The following USP22 variants were observed in gnomAD, a reference collection of about 807,000 sequenced individuals.
The protein encoded by USP22 is ubiquitin carboxyl-terminal hydrolase 22.
Under a neutral mutation model 68.1 loss-of-function variants are expected in USP22, and 22 were observed. That is an observed-to-expected ratio of 0.32 (90% CI 0.23 to 0.46). The LOEUF is 0.46. Ranked by LOEUF, USP22 falls within the 20% of genes least tolerant of loss-of-function variation. The pLI, the probability that USP22 is intolerant of heterozygous loss-of-function variation, is 1.00. For missense variants in USP22, 433 were observed against 695.8 expected, an observed-to-expected ratio of 0.62 and a Z score of 4.25; for synonymous variants, 279 against 274.2, an observed-to-expected ratio of 1.02 and a Z score of -0.17.
At chr17:21,043,387 C>T (rs1053010403), upstream of USP22, 4 of 330,774 alleles carry the variant, frequency 1.2e-5, no homozygotes, top group African/African-American at 2.3e-5. Context: ...GGGACCCTGG[C>T]GGCTAGACGT....
intron 5 of USP22, 32 bp from the exon 6 acceptor site, chr17:21,015,931 G>A (rs777384325): frequency 4.3e-6 from 7 of 1,610,166 alleles, no homozygotes; most frequent in East Asian, 4.5e-5. Context: ...AACCTTGTCA[G>A]GAATAAATGT....
At chr17:21,015,603 GA>G (rs1415316427) in intron 6 of USP22, 148 bp downstream of exon 6, 1 of 1,190,774 alleles carries the variant, frequency 8.4e-7, no homozygotes, top group Non-Finnish European at 1.1e-6. Flanking sequence ...GGTGACTTCA[GA>G]AACAAATGAC....
intron 2 of USP22, among the ~76,000 whole-genome samples, chr17:21,026,658 G>GA (rs56106552): frequency 5.1e-4 from 75 of 147,464 alleles, no homozygotes; most frequent in South Asian, 2.6e-3. Context: ...AAATTAGTAG[G>GA]AAAAAAAAAA....
chr17:21,011,471 C>G (rs1913968763), intron 7 of USP22, 162 bp from the exon 8 acceptor site: 1 of 890,156 alleles, frequency 1.1e-6, no homozygotes, highest in Non-Finnish European at 1.7e-6. Flanking sequence ...GTGCTCACAC[C>G]CAACGTGTCC....
chr17:21,035,825 TC>T (rs1380570557), intron 1 of USP22, among the ~76,000 whole-genome samples: 1 of 151,518 alleles, frequency 6.6e-6, no homozygotes, highest in African/African-American at 2.4e-5. Flanking sequence ...GGTCAGGAGA[TC>T]GAGACCATCC....
chr17:21,012,998 G>C, intron 6 of USP22, 63 bp from the exon 7 acceptor site: 1 of 1,532,872 alleles, frequency 6.5e-7, no homozygotes, highest in South Asian at 1.1e-5. Flanking sequence ...TCTAAGGGAA[G>C]AGCAGTTCAC....
rs1322087131 is a variant in USP22, at chr17:20,999,864, T to G, written c.*3167A>C. 1 of 152,100 alleles carries G rather than the reference T, an allele frequency of 6.6e-6. No homozygotes were observed. The highest frequency in any genetic ancestry group is 1.5e-5 in the Non-Finnish European group (1 of 68,030). 9.4% of individuals were successfully genotyped at this position (152,100 alleles called of 1,614,324 possible). ...ACACCAAGCCAAAATACAATAGCACTCAGGTCTATATGTTGCAGTGGTGCT... is the reference window on the plus strand; with the variant it reads ...ACACCAAGCCAAAATACAATAGCACGCAGGTCTATATGTTGCAGTGGTGCT... On this transcript the variant is annotated 3_prime_UTR_variant, in exon 13 of 13. Transcript: ENST00000261497.
chr17:21,042,725 G>A lies in USP22; in HGVS notation c.111C>T (p.Asn37=). ...CGAAGCACTGGTAGATGGCCCGCAG[G>A]TTCTGCTTCCAGTTGTCCACCTTGA... ...GSFKVDNWKQ[N]LRAIYQCFVW... The change falls in exon 1 of 13, where the codon AAC becomes AAT. Residue 37 remains asparagine (N), a synonymous_variant. Transcript: ENST00000261497. 21 of 1,469,148 alleles carry A rather than the reference G, an allele frequency of 1.4e-5. No individual in the cohort carries two copies. The highest frequency in any genetic ancestry group is 2.8e-5 in the East Asian group (1 of 36,000). The allele number at this position is 1,469,148 out of a possible 1,614,324, so 91.0% of individuals were successfully genotyped here. A position where few individuals can be genotyped will look rare whatever the true frequency, so the allele number is the denominator to read the frequency against.
chr17:21,026,521 A>T (rs2143606280), intron 2 of USP22, among the ~76,000 whole-genome samples: 1 of 152,032 alleles, frequency 6.6e-6, no homozygotes, highest in East Asian at 1.9e-4. Flanking sequence ...ACAGGATTTC[A>T]CCATGTTGTC....
Position 21,001,477 on chromosome 17 carries a change from T to C in USP22, c.*1554A>G, listed in dbSNP as rs1913574774. On this transcript the variant is annotated 3_prime_UTR_variant, in exon 13 of 13. Transcript: ENST00000261497. The stretch of plus-strand genomic sequence containing the variant: ...AGTTAAAAAAAAAATCTAAGTTTCT[T>C]GACACAGAACAATATATGTCATTCA... The C allele has an allele frequency of 6.6e-6, 1 of 152,222 alleles. No homozygotes were observed. Among genetic ancestry groups the C allele is most frequent in the Non-Finnish European group, 1.5e-5 (1 of 68,038 alleles). The allele number at this position is 152,222 out of a possible 1,614,324, so 9.4% of individuals were successfully genotyped here.
rs749877400 is a variant in USP22 at position 21,019,147 on chromosome 17, G to A, written c.457C>T (p.Arg153Trp). ...EKFSTWEPTK[R>W]ELELLKHNPK... Reference sequence around the variant, plus strand: ...TTGTGCTTCAGCAGTTCAAGCTCCCGTTTGGTTGGTTCCCAAGTTGAAAAC... The same window carrying A: ...TTGTGCTTCAGCAGTTCAAGCTCCCATTTGGTTGGTTCCCAAGTTGAAAAC... Residue 153 changes from arginine to tryptophan, a missense_variant, in exon 4 of 13, where the codon CGG (arginine) becomes TGG (tryptophan). By Grantham distance (101) the Arg-to-Trp change is moderately radical. Coordinates refer to ENST00000261497, the MANE Select transcript of USP22 (RefSeq NM_015276.2). 1 of 1,614,156 alleles carries A rather than the reference G, an allele frequency of 6.2e-7. No homozygotes were observed. Among genetic ancestry groups the A allele is most frequent in the Non-Finnish European group, 8.5e-7 (1 of 1,179,996 alleles).
In USP22 at chr17:21,042,983, C is replaced by T. The variant is rs970464369; in HGVS notation, c.-148G>A. ...GCGCGGAGGCCGGACAAAGATGGGG[C>T]TGCGCGATCGCCGAGGGGAGGCTGC... On this transcript the variant is annotated 5_prime_UTR_variant, in exon 1 of 13. Coordinates refer to ENST00000261497, the MANE Select transcript of USP22 (RefSeq NM_015276.2). 1 of 401,000 alleles carries T rather than the reference C, an allele frequency of 2.5e-6. No individual in the cohort carries two copies. The highest frequency in any genetic ancestry group is 4.1e-6 in the Non-Finnish European group (1 of 246,158). 24.8% of individuals were successfully genotyped at this position (401,000 alleles called of 1,614,324 possible).
At chr17:21,009,613 T>C (rs1435616271) in intron 8 of USP22, among the ~76,000 whole-genome samples, 1 of 152,322 alleles carries the variant, frequency 6.6e-6, no homozygotes, top group South Asian at 2.1e-4. Context: ...TTTCATTTTA[T>C]TGGAATTTAT....
intron 1 of USP22, among the ~76,000 whole-genome samples, chr17:21,035,109 C>G (rs1279882688): frequency 1.3e-5 from 2 of 152,184 alleles, no homozygotes; most frequent in Non-Finnish European, 2.9e-5. Context: ...TGGTACTGAC[C>G]AGCTTAGGCT....
Position 21,021,110 on chromosome 17 carries a change from A to AC in USP22, c.418+2_418+3insG. On this transcript the variant is annotated splice_region_variant and intron_variant, in intron 3 of 12. Coordinates refer to ENST00000261497, the MANE Select transcript of USP22 (RefSeq NM_015276.2). Reference sequence around the variant, plus strand: ...AAGCAGGTAAACTGAGGTGGAACCAAACCTTGCATTTTCCAAGCTTTTCGC... The same window carrying AC: ...AAGCAGGTAAACTGAGGTGGAACCAACACCTTGCATTTTCCAAGCTTTTCGC... 6.2e-7 allele frequency: 1 copy of AC among 1,612,782 alleles called. No individual in the cohort carries two copies. Among genetic ancestry groups the AC allele is most frequent in the Middle Eastern group, 1.6e-4 (1 of 6,062 alleles).
intron 1 of USP22, among the ~76,000 whole-genome samples, chr17:21,036,410 G>A (rs2143646022): frequency 6.6e-6 from 1 of 150,508 alleles, no homozygotes; most frequent in South Asian, 2.1e-4. Flanking sequence ...ACACATATAG[G>A]ACACAACTCC....
At position 20,999,708 on chromosome 17, in the gene USP22, GTAAA is replaced by G. The variant is rs752797020; in HGVS notation, c.*3319_*3322del. On this transcript the variant is annotated 3_prime_UTR_variant, in exon 13 of 13. Coordinates refer to ENST00000261497, the MANE Select transcript of USP22 (RefSeq NM_015276.2). ...GGGGAAAGGAAGAGTAAACATCTTGGTAAATAAAGTCTCCAACCACAGCACAGTC... is the reference window on the plus strand; with the variant it reads ...GGGGAAAGGAAGAGTAAACATCTTGGTAAAGTCTCCAACCACAGCACAGTC... 2.6e-5 allele frequency: 4 copies of G among 152,282 alleles called. No homozygotes were observed. Among genetic ancestry groups the G allele is most frequent in the East Asian group, 1.9e-4 (1 of 5,186 alleles). The allele number at this position is 152,282 out of a possible 1,614,324, so 9.4% of individuals were successfully genotyped here. A position where few individuals can be genotyped will look rare whatever the true frequency, so the allele number is the denominator to read the frequency against.
intron 12 of USP22, 38 bp downstream of exon 12, chr17:21,004,164 G>T: frequency 1.2e-6 from 2 of 1,604,636 alleles, no homozygotes; most frequent in Non-Finnish European, 8.5e-7. Flanking sequence ...AAGCACCGTA[G>T]CCACCGTAGG....
intron 1 of USP22, among the ~76,000 whole-genome samples, chr17:21,035,463 T>C (rs1278568350): frequency 6.6e-6 from 1 of 151,348 alleles, no homozygotes; most frequent in African/African-American, 2.4e-5. Context: ...GTGTGCTAAA[T>C]ACAGGAAAAG....
Sources: allele counts gnomAD v4.1 joint callset (sites outside exome capture counted in the v4.1 genomes callset), GRCh38; gene constraint gnomAD v4.1.1; transcripts MANE v1.5; gene names NCBI Gene and HGNC (gene_info 2026-07-23, HGNC 2026-07-21).